Variants in ACYP2 observed in about 807,000 individuals in gnomAD.
The protein encoded by ACYP2 is acylphosphatase 2.
In ACYP2, 12 loss-of-function variants were observed where a neutral mutation model predicts 11.2. That is an observed-to-expected ratio of 1.08 (90% confidence interval 0.69 to 1.74). The LOEUF is 1.74. Ranked by LOEUF, ACYP2 falls within the 40% of genes most tolerant of loss-of-function variation. The probability of loss-of-function intolerance (pLI) is 0.00; values close to 1 mark genes in which losing one functional copy is unlikely to be tolerated. For synonymous variants in ACYP2, 43 were observed against 32.2 expected, an observed-to-expected ratio of 1.33 and a Z score of -1.13; for missense variants, 134 against 101.9, an observed-to-expected ratio of 1.31 and a Z score of -1.35.
At chr2:54,122,318 G>A (rs1680207699) in intron 4 of ACYP2, among the ~76,000 whole-genome samples, 1 of 152,132 alleles carries the variant, frequency 6.6e-6, no homozygotes, top group South Asian at 2.1e-4. Flanking sequence ...TTCCTCTCAG[G>A]GTTTCTCACT....
At chr2:54,013,183 C>G (rs1673474960) in intron 2 of ACYP2, among the ~76,000 whole-genome samples, 1 of 118,402 alleles carries the variant, frequency 8.4e-6, no homozygotes, top group South Asian at 3.5e-4. Context: ...GCCCCAGCTT[C>G]CACATCCTCA....
chr2:54,282,889 C>G (rs1388306352), intron 6 of ACYP2, among the ~76,000 whole-genome samples: 3 of 152,160 alleles, frequency 2.0e-5, no homozygotes, highest in Non-Finnish European at 4.4e-5. Flanking sequence ...GTGGCCATAT[C>G]TAAGAGTGGG....
intron 4 of ACYP2, among the ~76,000 whole-genome samples, chr2:54,092,797 G>T (rs1438162780): frequency 1.3e-5 from 2 of 152,186 alleles, no homozygotes; most frequent in Admixed American, 6.5e-5. Context: ...GCATGCCATG[G>T]TGCTCTGCTC....
intron 6 of ACYP2, among the ~76,000 whole-genome samples, chr2:54,285,710 C>G (rs1689050981): frequency 6.6e-6 from 1 of 152,152 alleles, no homozygotes; most frequent in African/African-American, 2.4e-5. Context: ...GAGTTCTGGC[C>G]AATGAGATGT....
intron 6 of ACYP2, among the ~76,000 whole-genome samples, chr2:54,243,405 C>A (rs1008420934): frequency 6.6e-6 from 1 of 152,202 alleles, no homozygotes; most frequent in Non-Finnish European, 1.5e-5. Context: ...TGTACCTAAA[C>A]ATAGAAAAGG....
intron 4 of ACYP2, among the ~76,000 whole-genome samples, chr2:54,122,439 T>G (rs1680215250): frequency 6.6e-6 from 1 of 152,168 alleles, no homozygotes; most frequent in Admixed American, 6.5e-5. Flanking sequence ...TGCCCCAGTT[T>G]CCAGAGCAGA....
intron 6 of ACYP2, chr2:54,256,083 G>T (rs377117911): frequency 6.8e-6 from 11 of 1,614,018 alleles, no homozygotes; most frequent in Non-Finnish European, 9.3e-6. Context: ...GGGACCTCTG[G>T]CCCTGGTGCG....
intron 6 of ACYP2, among the ~76,000 whole-genome samples, chr2:54,192,985 G>A (rs1386830490): frequency 2.0e-5 from 3 of 152,200 alleles, no homozygotes; most frequent in Non-Finnish European, 4.4e-5. Flanking sequence ...AATTCAAGAT[G>A]AGATTTGGGT....
intron 2 of ACYP2, among the ~76,000 whole-genome samples, chr2:54,044,397 C>G (rs1488333886): frequency 6.6e-6 from 1 of 151,436 alleles, no homozygotes; most frequent in Non-Finnish European, 1.5e-5. Context: ...GAGTTCAAGA[C>G]TAGCCTGGGC....
chr2:53,989,965 C>G (rs1465272513), intron 2 of ACYP2, among the ~76,000 whole-genome samples: 2 of 144,192 alleles, frequency 1.4e-5, no homozygotes, highest in Non-Finnish European at 3.0e-5. Context: ...TTACATAAAC[C>G]CTTTTCTTTT....
chr2:54,090,689 G>C (rs2103680780), intron 4 of ACYP2, among the ~76,000 whole-genome samples: 1 of 151,962 alleles, frequency 6.6e-6, no homozygotes, highest in East Asian at 1.9e-4. Context: ...ATCCTGCCTA[G>C]AGTACTCTAG....
At chr2:54,178,354 G>A (rs1256396361) in intron 6 of ACYP2, among the ~76,000 whole-genome samples, 2 of 152,230 alleles carry the variant, frequency 1.3e-5, no homozygotes, top group African/African-American at 2.4e-5. Context: ...ACCTTGAGTT[G>A]TTTATCCAGT....
At chr2:53,974,346 C>A (rs1300960658) in intron 2 of ACYP2, among the ~76,000 whole-genome samples, 3 of 152,108 alleles carry the variant, frequency 2.0e-5, no homozygotes, top group Admixed American at 2.0e-4. Flanking sequence ...AACTGTGCTT[C>A]CATTGTCAGA....
intron 6 of ACYP2, among the ~76,000 whole-genome samples, chr2:54,176,193 T>C (rs2103858982): frequency 6.6e-6 from 1 of 152,336 alleles, no homozygotes; most frequent in South Asian, 2.1e-4. Context: ...ACCGTATTTC[T>C]TAGCCTGTTT....
intron 6 of ACYP2, among the ~76,000 whole-genome samples, chr2:54,260,582 AGGT>A (rs1687734928): frequency 6.6e-6 from 1 of 152,152 alleles, no homozygotes; most frequent in African/African-American, 2.4e-5. Flanking sequence ...GTCAGTGAAA[AGGT>A]GGTCTGATCA....
chr2:54,172,538 C>T (rs921445354), intron 6 of ACYP2, among the ~76,000 whole-genome samples: 2 of 152,182 alleles, frequency 1.3e-5, no homozygotes, highest in African/African-American at 4.8e-5. Flanking sequence ...TTAGCTTCCA[C>T]ACCTGGAGAG....
intron 6 of ACYP2, among the ~76,000 whole-genome samples, chr2:54,278,687 C>T (rs1047040422): frequency 6.6e-6 from 1 of 152,046 alleles, no homozygotes; most frequent in African/African-American, 2.4e-5. Flanking sequence ...TTTTTTTAAA[C>T]CATTCTTTTG....
chr2:54,113,873 T>G (rs1679591722), intron 4 of ACYP2, among the ~76,000 whole-genome samples: 1 of 151,974 alleles, frequency 6.6e-6, no homozygotes, highest in African/African-American at 2.4e-5. Context: ...TAGGTTCTAT[T>G]TTGAACGTAT....
intron 6 of ACYP2, among the ~76,000 whole-genome samples, chr2:54,218,399 G>A (rs1474405086): frequency 6.6e-6 from 1 of 152,070 alleles, no homozygotes; most frequent in African/African-American, 2.4e-5. Context: ...AATTCAACTT[G>A]TATTAATCAT....
Sources: allele counts gnomAD v4.1 joint callset (sites outside exome capture counted in the v4.1 genomes callset), GRCh38; gene constraint gnomAD v4.1.1; transcripts MANE v1.5; gene names NCBI Gene and HGNC (gene_info 2026-07-23, HGNC 2026-07-21).